HDAC9: variants seen among roughly 807,000 people sequenced by gnomAD.
The protein encoded by HDAC9 is MEF-2 interacting transcription repressor (MITR) protein.
HDAC9 carries 41 observed loss-of-function variants against 139.4 expected under a neutral mutation model. The observed-to-expected ratio is 0.29, with a 90% CI of 0.23 to 0.38. HDAC9 has a LOEUF of 0.38. Among genes scored for constraint, HDAC9 ranks in the 10% least tolerant of loss-of-function variants. The probability of loss-of-function intolerance (pLI) is 1.00; values close to 1 mark genes in which losing one functional copy is unlikely to be tolerated. For missense variants in HDAC9, 1,147 were observed against 1,297.0 expected, an observed-to-expected ratio of 0.88 and a Z score of 1.78; for synonymous variants, 517 against 476.2, an observed-to-expected ratio of 1.09 and a Z score of -1.12.
chr7:18,190,244 CATAA>C (rs1465368551), intron 2 of HDAC9, among the ~76,000 whole-genome samples: 1 of 152,084 alleles, frequency 6.6e-6, no homozygotes, highest in African/African-American at 2.4e-5. Context: ...CACGCCCGGC[CATAA>C]ATAACTTGTT....
chr7:18,706,019 A>T (rs144021313), intron 12 of HDAC9, among the ~76,000 whole-genome samples: 10 of 152,052 alleles, frequency 6.6e-5, no homozygotes, highest in African/African-American at 2.4e-4. Context: ...GTCCTAGGAG[A>T]CCTAGATACT....
At chr7:18,626,220 T>C (rs1409545564) in intron 6 of HDAC9, among the ~76,000 whole-genome samples, 2 of 152,010 alleles carry the variant, frequency 1.3e-5, no homozygotes, top group Non-Finnish European at 2.9e-5. Context: ...CAGAGGGAGA[T>C]GAAGTCAGGA....
intron 25 of HDAC9, among the ~76,000 whole-genome samples, chr7:18,987,651 C>A (rs1427835270): frequency 2.0e-5 from 3 of 152,026 alleles, no homozygotes; most frequent in Non-Finnish European, 4.4e-5. Flanking sequence ...GGTACCAGTT[C>A]CTCCTTGTAC....
intron 1 of HDAC9, among the ~76,000 whole-genome samples, chr7:18,135,625 C>A (rs1166609678): frequency 5.2e-5 from 7 of 135,654 alleles, no homozygotes; most frequent in Admixed American, 2.9e-4. Context: ...CTACAAAGGA[C>A]ATGAACTCAT....
rs370804417 is a variant in HDAC9 at position 18,928,937 on chromosome 7, TACA to T, written c.2804-6869_2804-6867del. Among the ~76,000 whole-genome samples the T allele has an allele frequency of 4.7e-4, 71 of 152,200 alleles. No homozygotes were observed. In the East Asian group the frequency reaches 8.5e-3, roughly 18 times the overall value. On this transcript the variant is annotated intron_variant, in intron 22 of 25. Coordinates refer to ENST00000686413, the MANE Select transcript of HDAC9 (RefSeq NM_178425.4). Reference sequence around the variant, plus strand: ...ATTTTCTATCATCTTCCAAATTTCTTACAACGAGAATGCAATAATTTTGGTTTT... The same window carrying T: ...ATTTTCTATCATCTTCCAAATTTCTTACGAGAATGCAATAATTTTGGTTTT...
rs1174012611 is a variant in HDAC9 at position 18,236,465 on chromosome 7, T to TTA, written c.25+74117_25+74118dup. ...TGAGTAGTCACTAATTAGATTGCAT[T>TTA]TACTTGAAGTGACTCAATTAAGTTG... On this transcript the variant is annotated intron_variant, in intron 2 of 12. Coordinates refer to the HDAC9 transcript ENST00000417496. Among the ~76,000 whole-genome samples the TTA allele has an allele frequency of 6.6e-5, 10 of 152,332 alleles. No homozygotes were observed. In the East Asian group the frequency reaches 1.9e-3, roughly 29 times the overall value.
intron 1 of HDAC9, among the ~76,000 whole-genome samples, chr7:18,132,878 C>T (rs1785112300): frequency 7.7e-6 from 1 of 130,508 alleles, no homozygotes; most frequent in Admixed American, 7.2e-5. Flanking sequence ...TCCCCCTTCC[C>T]TAAATAAAGT....
At position 18,217,948 on chromosome 7, in the gene HDAC9, A is replaced by T. The variant is rs116955234; in HGVS notation, c.25+55599A>T. On this transcript the variant is annotated intron_variant, in intron 2 of 12. Coordinates refer to the HDAC9 transcript ENST00000417496. The stretch of plus-strand genomic sequence containing the variant: ...CAGGCTGTGGGCTGGAGCTGCTGTT[A>T]TCTGAAGGCTTGAATGGGGCTGGAG... 5.6e-3 allele frequency among the ~76,000 whole-genome samples: 847 copies of T among 152,262 alleles called. 3 individuals carry two copies. The highest frequency in any genetic ancestry group is 8.1e-3 in the Non-Finnish European group (551 of 68,012).
intron 1 of HDAC9, among the ~76,000 whole-genome samples, chr7:18,102,626 T>C (rs1782924158): frequency 6.6e-6 from 1 of 152,344 alleles, no homozygotes; most frequent in Non-Finnish European, 1.5e-5. Flanking sequence ...GTTAGTTGTC[T>C]CCTAGTCTCT....
chr7:18,820,707 C>T (rs533075783), intron 17 of HDAC9, among the ~76,000 whole-genome samples: 8 of 152,174 alleles, frequency 5.3e-5, no homozygotes, highest in African/African-American at 1.7e-4. Context: ...ATGTCAGATA[C>T]TATGTAAATC....
intron 12 of HDAC9, among the ~76,000 whole-genome samples, chr7:18,697,068 G>C (rs1766150120): frequency 6.6e-6 from 1 of 152,114 alleles, no homozygotes; most frequent in Non-Finnish European, 1.5e-5. Context: ...CAAATTCTTA[G>C]AGTTAAGCTA....
intron 2 of HDAC9, among the ~76,000 whole-genome samples, chr7:18,244,561 G>T (rs1260982205): frequency 6.6e-6 from 1 of 152,166 alleles, no homozygotes; most frequent in African/African-American, 2.4e-5. Flanking sequence ...CACTTTGGGA[G>T]GCCAGGGCGG....
intron 21 of HDAC9, among the ~76,000 whole-genome samples, chr7:18,862,575 T>C (rs575615395): frequency 6.6e-6 from 1 of 152,296 alleles, no homozygotes; most frequent in Admixed American, 6.5e-5. Context: ...TTTAACCCCC[T>C]TTTTGAAGAC....
intron 8 of HDAC9, among the ~76,000 whole-genome samples, chr7:18,638,533 C>A (rs1353450141): frequency 3.3e-5 from 5 of 152,060 alleles, no homozygotes; most frequent in Non-Finnish European, 7.4e-5. Context: ...CTTCCCCTGA[C>A]CCCCAGATTC....
intron 1 of HDAC9, among the ~76,000 whole-genome samples, chr7:18,121,328 C>A (rs1233016138): frequency 6.6e-6 from 1 of 151,988 alleles, no homozygotes; most frequent in African/African-American, 2.4e-5. Flanking sequence ...GCTATACTTG[C>A]CCGTAGAGTT....
chr7:18,262,127 C>G (rs1002590996), intron 2 of HDAC9, among the ~76,000 whole-genome samples: 1 of 152,068 alleles, frequency 6.6e-6, no homozygotes, highest in African/African-American at 2.4e-5. Context: ...AAAACCAAAA[C>G]AAAGCAATTA....
chr7:18,793,037 T>A, intron 16 of HDAC9: 2 of 325,770 alleles, frequency 6.1e-6, no homozygotes, highest in Non-Finnish European at 1.2e-5. Flanking sequence ...GCCTATGTAA[T>A]GCTGTTTGTA....
intron 1 of HDAC9, among the ~76,000 whole-genome samples, chr7:18,479,620 C>T (rs927664314): frequency 2.6e-5 from 4 of 152,006 alleles, no homozygotes; most frequent in Non-Finnish European, 5.9e-5. Context: ...TGGAATTTTG[C>T]TATTTCATGT....
chr7:18,560,587 T>C (rs1402203877), intron 2 of HDAC9, among the ~76,000 whole-genome samples: 1 of 152,162 alleles, frequency 6.6e-6, no homozygotes, highest in Non-Finnish European at 1.5e-5. Context: ...CACTACAGTG[T>C]AGTGGAATAT....
Sources: allele counts gnomAD v4.1 joint callset (sites outside exome capture counted in the v4.1 genomes callset), GRCh38; gene constraint gnomAD v4.1.1; transcripts MANE v1.5; gene names NCBI Gene and HGNC (gene_info 2026-07-23, HGNC 2026-07-21).